Variants in SLC10A7 observed in about 807,000 individuals in gnomAD.
The protein encoded by SLC10A7 is sodium/bile acid cotransporter 7.
SLC10A7 carries 29 observed loss-of-function variants against 43.2 expected under a neutral mutation model. The ratio of observed to expected loss-of-function variants is 0.67; its 90% CI spans 0.50 to 0.92. The LOEUF is 0.92. SLC10A7 is among the 40% of genes least tolerant of loss of function. SLC10A7 has a pLI of 0.00. For missense variants in SLC10A7, 295 were observed against 403.2 expected (o/e 0.73, Z 2.30); for synonymous variants, 152 against 144.8 (o/e 1.05, Z -0.35).
chr4:146,482,139 A>G (rs1734529122), intron 4 of SLC10A7, among the ~76,000 whole-genome samples: 1 of 152,192 alleles, frequency 6.6e-6, no homozygotes, highest in Admixed American at 6.5e-5. Context: ...AAGCCACTCT[A>G]TAAAGTTTGG....
chr4:146,286,456 G>T (rs1729956799), intron 9 of SLC10A7, among the ~76,000 whole-genome samples: 1 of 151,260 alleles, frequency 6.6e-6, no homozygotes. Context: ...TGGTGAGAAG[G>T]ACTGAGTTTG....
chr4:146,453,219 A>G (rs983622731), intron 4 of SLC10A7, among the ~76,000 whole-genome samples: 30 of 151,992 alleles, frequency 2.0e-4, no homozygotes, highest in African/African-American at 7.0e-4. Context: ...TATTCATCTC[A>G]ATTCAGGTAA....
chr4:146,294,325 A>C (rs542230931), intron 7 of SLC10A7, among the ~76,000 whole-genome samples: 5 of 152,228 alleles, frequency 3.3e-5, no homozygotes, highest in Admixed American at 6.5e-5. Flanking sequence ...TTTCAACTGC[A>C]TTCAAATCCA....
chr4:146,424,398 C>T (rs768461823), intron 5 of SLC10A7, among the ~76,000 whole-genome samples: 16 of 152,128 alleles, frequency 1.1e-4, no homozygotes, highest in Non-Finnish European at 1.9e-4. Flanking sequence ...CGGTGGCTCA[C>T]GCCTGTAATC....
At chr4:146,306,938 T>G (rs1578843586) in intron 6 of SLC10A7, among the ~76,000 whole-genome samples, 1 of 152,190 alleles carries the variant, frequency 6.6e-6, no homozygotes, top group African/African-American at 2.4e-5. Context: ...TTTTCATATC[T>G]ACCTAAGTTT....
intron 5 of SLC10A7, among the ~76,000 whole-genome samples, chr4:146,390,557 G>T (rs200584829): frequency 1.3e-5 from 2 of 152,108 alleles, no homozygotes; most frequent in East Asian, 3.9e-4. Context: ...TTGAGCCTTG[G>T]GCCAGCAGGT....
intron 5 of SLC10A7, among the ~76,000 whole-genome samples, chr4:146,408,411 G>A (rs1461597818): frequency 1.3e-5 from 2 of 152,016 alleles, no homozygotes; most frequent in African/African-American, 4.8e-5. Context: ...TTAGCTGGGC[G>A]TGGTGGTGCA....
chr4:146,386,719 A>G (rs868406075), intron 5 of SLC10A7, among the ~76,000 whole-genome samples: 1 of 151,928 alleles, frequency 6.6e-6, no homozygotes, highest in Admixed American at 6.6e-5. Context: ...TTCAAAGTCC[A>G]CTCAAATGCC....
chr4:146,374,597 T>C (rs112771726), intron 5 of SLC10A7, among the ~76,000 whole-genome samples: 6 of 143,656 alleles, frequency 4.2e-5, no homozygotes, highest in African/African-American at 1.6e-4. Context: ...AAAAAAAATA[T>C]ATACATATAT....
chr4:146,344,506 T>C (rs971808396), intron 5 of SLC10A7, among the ~76,000 whole-genome samples: 3 of 152,048 alleles, frequency 2.0e-5, no homozygotes, highest in Admixed American at 6.6e-5. Context: ...TATTTTAAAA[T>C]TGCATGTTTT....
chr4:146,432,418 T>C (rs1729845370), intron 5 of SLC10A7, among the ~76,000 whole-genome samples: 1 of 152,062 alleles, frequency 6.6e-6, no homozygotes, highest in Admixed American at 6.5e-5. Context: ...TACTTAGCAA[T>C]AAAAAGAAAT....
intron 5 of SLC10A7, among the ~76,000 whole-genome samples, chr4:146,404,266 T>A (rs1245979022): frequency 1.3e-5 from 2 of 152,114 alleles, no homozygotes; most frequent in Non-Finnish European, 2.9e-5. Flanking sequence ...GCAATCCAAT[T>A]GCCTCGGCCG....
At chr4:146,440,230 A>G (rs1430605388) in intron 5 of SLC10A7, among the ~76,000 whole-genome samples, 1 of 152,010 alleles carries the variant, frequency 6.6e-6, no homozygotes, top group African/African-American at 2.4e-5. Context: ...TTAGAATTCC[A>G]GGAATGCTGT....
chr4:146,329,183 A>G (rs1733363949), intron 5 of SLC10A7, among the ~76,000 whole-genome samples: 1 of 152,200 alleles, frequency 6.6e-6, no homozygotes, highest in African/African-American at 2.4e-5. Flanking sequence ...GGATTTGCTA[A>G]TTCTGGATTT....
At chr4:146,349,924 C>T (rs940486325) in intron 5 of SLC10A7, among the ~76,000 whole-genome samples, 3 of 152,064 alleles carry the variant, frequency 2.0e-5, no homozygotes, top group South Asian at 2.1e-4. Flanking sequence ...ATATCCCAAA[C>T]CTCAGCATTA....
chr4:146,303,059 A>G (rs1360302710), intron 7 of SLC10A7, among the ~76,000 whole-genome samples: 1 of 152,162 alleles, frequency 6.6e-6, no homozygotes, highest in African/African-American at 2.4e-5. Flanking sequence ...CCAAGGTCAC[A>G]GCCCTCATGG....
At chr4:146,377,007 A>G (rs1342159352) in intron 5 of SLC10A7, among the ~76,000 whole-genome samples, 1 of 152,244 alleles carries the variant, frequency 6.6e-6, no homozygotes, top group East Asian at 1.9e-4. Flanking sequence ...GGAACAGGCT[A>G]TAACTTAATG....
At chr4:146,401,390 A>T (rs1739214811) in intron 5 of SLC10A7, among the ~76,000 whole-genome samples, 2 of 152,222 alleles carry the variant, frequency 1.3e-5, no homozygotes, top group South Asian at 4.1e-4. Context: ...ATACAAAAGG[A>T]GAGGCCAGAT....
chr4:146,304,346 A>T (rs1386019063), intron 7 of SLC10A7, among the ~76,000 whole-genome samples: 1 of 151,896 alleles, frequency 6.6e-6, no homozygotes, highest in Admixed American at 6.6e-5. Context: ...CCTTATCAAA[A>T]GTTGCAGAAT....
Sources: gnomAD v4.1 joint callset for allele counts (sites outside exome capture counted in the v4.1 genomes callset) on GRCh38, gnomAD v4.1.1 for gene constraint, MANE v1.5 for transcripts, NCBI Gene and HGNC (gene_info 2026-07-23, HGNC 2026-07-21) for gene names.